The following STK32B variants were observed in gnomAD, a reference collection of about 807,000 sequenced individuals.
The protein encoded by STK32B is serine/threonine-protein kinase 32B.
A neutral mutation model predicts 52.6 loss-of-function variants in STK32B; 43 were observed. The ratio of observed to expected loss-of-function variants is 0.82; its 90% CI spans 0.64 to 1.05. The LOEUF is 1.05. STK32B is among the 50% of genes least tolerant of loss of function. The pLI is 0.00. For synonymous variants in STK32B, 238 were observed against 204.3 expected (o/e 1.17, Z -1.41); for missense variants, 621 against 534.6 (o/e 1.16, Z -1.59).
At chr4:5,423,218 A>T (rs945255470) in intron 6 of STK32B, among the ~76,000 whole-genome samples, 11 of 152,064 alleles carry the variant, frequency 7.2e-5, no homozygotes, top group Non-Finnish European at 1.5e-4. Context: ...CTCAAGGGGG[A>T]TGGTCCAGGT....
chr4:5,331,804 C>G (rs1393307247), intron 4 of STK32B, among the ~76,000 whole-genome samples: 1 of 152,114 alleles, frequency 6.6e-6, no homozygotes, highest in East Asian at 1.9e-4. Context: ...GGATTTCTTT[C>G]TCTTAGGAAG....
At chr4:5,320,215 G>T (rs1184493523) in intron 3 of STK32B, among the ~76,000 whole-genome samples, 1 of 152,052 alleles carries the variant, frequency 6.6e-6, no homozygotes, top group Non-Finnish European at 1.5e-5. Flanking sequence ...GAGTAGAGCG[G>T]CCACATCTGG....
Position 5,394,751 on chromosome 4 carries a change from G to A in STK32B, c.435-3456G>A, listed in dbSNP as rs1736778177. ...CTCATTGTACACTCAGCAACAGTGA[G>A]ATGGCTGTTGCTGTTCCCATTTCCC... is the stretch of plus-strand genomic sequence containing the variant. On this transcript the variant is annotated intron_variant, in intron 4 of 11. Transcript: ENST00000282908. The surrounding 1 kb of genome is among the most constrained non-coding windows in gnomAD (Gnocchi z 4.2). Among the ~76,000 whole-genome samples the A allele has an allele frequency of 6.6e-6, 1 of 152,240 alleles. No homozygotes were observed. Among genetic ancestry groups the A allele is most frequent in the South Asian group, 2.1e-4 (1 of 4,830 alleles).
intron 3 of STK32B, among the ~76,000 whole-genome samples, chr4:5,311,056 T>G (rs1201890511): frequency 6.6e-6 from 1 of 152,092 alleles, no homozygotes; most frequent in Non-Finnish European, 1.5e-5. Context: ...CAGGGAAAAT[T>G]AGCATGGAGG....
intron 5 of STK32B, among the ~76,000 whole-genome samples, chr4:5,414,395 G>C (rs552824356): frequency 6.4e-4 from 97 of 152,162 alleles, no homozygotes; most frequent in Admixed American, 1.8e-3. Flanking sequence ...ACCGCAAAAC[G>C]TGGATATTCA....
chr4:5,323,870 G>A (rs1166325454), intron 3 of STK32B, among the ~76,000 whole-genome samples: 1 of 152,148 alleles, frequency 6.6e-6, no homozygotes, highest in Non-Finnish European at 1.5e-5. Flanking sequence ...AGTGCTATAG[G>A]GCATCAAGCA....
At chr4:5,243,696 T>G (rs1022397310) in intron 3 of STK32B, among the ~76,000 whole-genome samples, 1 of 152,238 alleles carries the variant, frequency 6.6e-6, no homozygotes, top group African/African-American at 2.4e-5. Flanking sequence ...GTCCATTCAG[T>G]ATGATATTGC....
At chr4:5,498,579 A>C (rs1418976179) in intron 11 of STK32B, among the ~76,000 whole-genome samples, 10 of 152,116 alleles carry the variant, frequency 6.6e-5, no homozygotes, top group Non-Finnish European at 1.2e-4. Context: ...GATACCTGGG[A>C]CTCACCACCT....
chr4:5,475,781 C>G (rs1465911326), intron 11 of STK32B, among the ~76,000 whole-genome samples: 1 of 151,320 alleles, frequency 6.6e-6, no homozygotes, highest in Admixed American at 6.6e-5. Flanking sequence ...ATAGAAAATA[C>G]TATCATTTTT....
At chr4:5,047,695 G>A (rs1741645741), upstream of STK32B, among the ~76,000 whole-genome samples, 2 of 152,174 alleles carry the variant, frequency 1.3e-5, no homozygotes, top group Admixed American at 1.3e-4. Flanking sequence ...GGAAAGCCGG[G>A]TAGAAATCAG....
chr4:5,424,571 C>G (rs780042406), intron 6 of STK32B, among the ~76,000 whole-genome samples: 4 of 152,166 alleles, frequency 2.6e-5, no homozygotes, highest in Non-Finnish European at 5.9e-5. Context: ...GGTCTCCACC[C>G]AGCTGAGAGC....
intron 4 of STK32B, among the ~76,000 whole-genome samples, chr4:5,355,537 T>G (rs1297889452): frequency 6.6e-6 from 1 of 152,222 alleles, no homozygotes; most frequent in African/African-American, 2.4e-5. Context: ...CTGAAGGCAC[T>G]GGCAGAATTT....
At chr4:5,221,074 G>T (rs1384009608) in intron 3 of STK32B, among the ~76,000 whole-genome samples, 1 of 152,148 alleles carries the variant, frequency 6.6e-6, no homozygotes, top group Non-Finnish European at 1.5e-5. Flanking sequence ...CTCTGAGGGT[G>T]CCTGGACCTC....
intron 3 of STK32B, among the ~76,000 whole-genome samples, chr4:5,270,228 C>A (rs983502121): frequency 6.6e-6 from 1 of 152,042 alleles, no homozygotes; most frequent in Non-Finnish European, 1.5e-5. Flanking sequence ...CAGGTGAGGT[C>A]CCACAATAGT....
chr4:5,312,877 G>A (rs1186884625), intron 3 of STK32B, among the ~76,000 whole-genome samples: 2 of 151,932 alleles, frequency 1.3e-5, no homozygotes, highest in African/African-American at 4.8e-5. Flanking sequence ...CTTCCACAAT[G>A]GATGGTTGAA....
chr4:5,071,572 C>A (rs904025543), intron 1 of STK32B, among the ~76,000 whole-genome samples: 3 of 152,162 alleles, frequency 2.0e-5, no homozygotes, highest in African/African-American at 7.2e-5. Context: ...ATCGAAAAGT[C>A]ATTGCATGTC....
chr4:5,485,421 C>A (rs532127908), intron 11 of STK32B, among the ~76,000 whole-genome samples: 16 of 152,260 alleles, frequency 1.1e-4, no homozygotes, highest in Non-Finnish European at 1.8e-4. Flanking sequence ...GTTCTCGTGC[C>A]ATGGTTTTCA....
intron 1 of STK32B, among the ~76,000 whole-genome samples, chr4:5,116,729 CT>C (rs1410072337): frequency 6.6e-6 from 1 of 152,180 alleles, no homozygotes; most frequent in Non-Finnish European, 1.5e-5. Context: ...CTGCACATCA[CT>C]TTGGATGGTA....
At chr4:5,240,181 A>T (rs935635278) in intron 3 of STK32B, among the ~76,000 whole-genome samples, 2 of 151,134 alleles carry the variant, frequency 1.3e-5, no homozygotes, top group Non-Finnish European at 2.9e-5. Context: ...GGTTCATGGA[A>T]TTTTTTTACT....
Sources: allele counts gnomAD v4.1 joint callset (sites outside exome capture counted in the v4.1 genomes callset), GRCh38; gene constraint gnomAD v4.1.1; non-coding constraint Gnocchi (gnomAD v3.1); transcripts MANE v1.5; gene names NCBI Gene and HGNC (gene_info 2026-07-23, HGNC 2026-07-21).